Variants in SLC5A1 observed in about 807,000 individuals in gnomAD.
The protein encoded by SLC5A1 is solute carrier family 5 member 1, also known as sodium/glucose cotransporter 1.
Under a neutral mutation model 73.5 loss-of-function variants are expected in SLC5A1, and 42 were observed. The ratio of observed to expected loss-of-function variants is 0.57; its 90% CI spans 0.45 to 0.74. The LOEUF is 0.74. Ranked by LOEUF, SLC5A1 falls within the 30% of genes least tolerant of loss-of-function variation. The probability of loss-of-function intolerance (pLI) is 0.00; values close to 1 mark genes in which losing one functional copy is unlikely to be tolerated. For missense variants in SLC5A1, 634 were observed against 855.4 expected, an observed-to-expected ratio of 0.74 and a Z score of 3.23; for synonymous variants, 300 against 317.4, an observed-to-expected ratio of 0.95 and a Z score of 0.58.
chr22:32,085,531 G>A (rs2094006685), intron 9 of SLC5A1, among the ~76,000 whole-genome samples: 1 of 146,496 alleles, frequency 6.8e-6, no homozygotes, highest in Non-Finnish European at 1.5e-5. Context: ...TTCTTATGTC[G>A]ACAATTGTTT....
chr22:32,099,141 G>C, intron 11 of SLC5A1, 42 bp from the exon 12 acceptor site: 1 of 885,940 alleles, frequency 1.1e-6, no homozygotes, highest in South Asian at 1.3e-5. Context: ...TACTCATGTA[G>C]AGCTATTTAT....
rs143136870 is a variant in SLC5A1, at chr22:32,069,921, C to T, written c.477+1321C>T. The stretch of plus-strand genomic sequence containing the variant: ...GAATCAGGAGTAGAATCCAGGTCTC[C>T]GATTCTCAATTCACTGTCCTTTTCC... On this transcript the variant is annotated intron_variant, in intron 5 of 14. Transcript: ENST00000266088. Among the ~76,000 whole-genome samples the T allele has an allele frequency of 1.2e-4, 19 of 152,272 alleles. No individual in the cohort carries two copies. The East Asian group carries it at 2.5e-3, about 20-fold the overall frequency.
chr22:32,045,184 G>A (rs1010686887), intron 1 of SLC5A1, among the ~76,000 whole-genome samples: 9 of 152,124 alleles, frequency 5.9e-5, no homozygotes, highest in African/African-American at 1.7e-4. Flanking sequence ...GTGTGAGCCC[G>A]TCATCTGCTG....
rs371987980 is a variant in SLC5A1, at chr22:32,089,285, T to TA, written c.1130-2320dup. On this transcript the variant is annotated intron_variant, in intron 10 of 14. Coordinates refer to ENST00000266088, the MANE Select transcript of SLC5A1 (RefSeq NM_000343.4). ...ACCACACAAACTCAGAAAGAGCCAT[T>TA]AAAAAAACCTCGCAACAAATGACAA... Among the ~76,000 whole-genome samples the TA allele has an allele frequency of 7.4e-3, 1,121 of 152,286 alleles. 9 individuals carry two copies. The highest frequency in any genetic ancestry group is 0.011 in the Non-Finnish European group (715 of 68,022).
Position 32,112,564 on chromosome 22 carries a change from G to A in SLC5A1, c.*2351G>A, listed in dbSNP as rs2094059154. 1 of 152,194 alleles carries A rather than the reference G, an allele frequency of 6.6e-6. No homozygotes were observed. The highest frequency in any genetic ancestry group is 1.5e-5 in the Non-Finnish European group (1 of 68,032). 9.4% of individuals were successfully genotyped at this position (152,194 alleles called of 1,614,324 possible). The stretch of plus-strand genomic sequence containing the variant: ...GACTTTGAGAACCAGTGTGGGTGGG[G>A]AGTTGTGCATATAAACTATTTAATG... On this transcript the variant is annotated 3_prime_UTR_variant, in exon 15 of 15. Transcript: ENST00000266088.
At chr22:32,083,268 C>G in intron 7 of SLC5A1, 114 bp downstream of exon 7, 1 of 831,256 alleles carries the variant, frequency 1.2e-6, no homozygotes, top group South Asian at 1.5e-5. Flanking sequence ...TGAGCTGAGG[C>G]ATGCTCTGCC....
chr22:32,077,833 T>C (rs1363073178), intron 5 of SLC5A1, among the ~76,000 whole-genome samples: 1 of 152,226 alleles, frequency 6.6e-6, no homozygotes, highest in Non-Finnish European at 1.5e-5. Context: ...ACTACATATA[T>C]ATATGGGTAC....
intron 14 of SLC5A1, among the ~76,000 whole-genome samples, chr22:32,106,407 A>T (rs1385635556): frequency 6.6e-6 from 1 of 152,170 alleles, no homozygotes; most frequent in African/African-American, 2.4e-5. Flanking sequence ...TTTTGATTGG[A>T]TTCTTACCCC....
Position 32,084,637 on chromosome 22 carries a change from TGTG to T in SLC5A1, c.866_868del (p.Trp289del). ...ATCTTTGGGATGTCCATCCTTACCT[TGTG>T]GTACTGGTGCACAGATCAGGTACCC... On this transcript the variant is annotated inframe_deletion, in exon 8 of 15. Transcript: ENST00000266088. 1.2e-6 allele frequency: 2 copies of T among 1,614,122 alleles called. No individual in the cohort carries two copies. Among genetic ancestry groups the T allele is most frequent in the Non-Finnish European group, 1.7e-6 (2 of 1,179,970 alleles).
chr22:32,102,554 G>C (rs937181657), intron 13 of SLC5A1, among the ~76,000 whole-genome samples: 2 of 152,078 alleles, frequency 1.3e-5, no homozygotes, highest in African/African-American at 4.8e-5. Flanking sequence ...GATCACCTGA[G>C]TCCAGGAGTT....
In SLC5A1 at chr22:32,110,702, G is replaced by T. The variant is rs1378276107; in HGVS notation, c.*489G>T. On this transcript the variant is annotated 3_prime_UTR_variant, in exon 15 of 15. Coordinates refer to ENST00000266088, the MANE Select transcript of SLC5A1 (RefSeq NM_000343.4). The stretch of plus-strand genomic sequence containing the variant: ...TTTGCCTGGACTTTCCCTCTCAAGT[G>T]TGTCAATCAGGTAAACTGAGGAATG... 4 of 232,594 alleles carry T rather than the reference G, an allele frequency of 1.7e-5. No individual in the cohort carries two copies. Among genetic ancestry groups the T allele is most frequent in the Non-Finnish European group, 2.6e-5 (3 of 117,362 alleles). The allele number at this position is 232,594 out of a possible 1,614,324, so 14.4% of individuals were successfully genotyped here.
intron 14 of SLC5A1, among the ~76,000 whole-genome samples, chr22:32,107,577 C>T (rs2094048563): frequency 6.6e-6 from 1 of 152,202 alleles, no homozygotes; most frequent in Non-Finnish European, 1.5e-5. Context: ...TCTATATTTA[C>T]CACCATCATG....
At chr22:32,086,096 G>A (rs1324268996) in intron 9 of SLC5A1, 124 bp from the exon 10 acceptor site, 11 of 694,132 alleles carry the variant, frequency 1.6e-5, no homozygotes, top group South Asian at 4.1e-5. Context: ...AGCCGAGATC[G>A]TGCCACTGCA....
At chr22:32,071,065 G>T (rs1224719291) in intron 5 of SLC5A1, among the ~76,000 whole-genome samples, 1 of 152,206 alleles carries the variant, frequency 6.6e-6, no homozygotes, top group Non-Finnish European at 1.5e-5. Context: ...GTAAGATGGG[G>T]ATAGTAATTC....
chr22:32,074,760 T>A (rs1218991423), intron 5 of SLC5A1, among the ~76,000 whole-genome samples: 1 of 152,176 alleles, frequency 6.6e-6, no homozygotes, highest in East Asian at 1.9e-4. Context: ...AGACCAGGGA[T>A]CCCTTGACAA....
intron 11 of SLC5A1, among the ~76,000 whole-genome samples, chr22:32,092,338 T>C (rs948470393): frequency 6.6e-6 from 1 of 152,240 alleles, no homozygotes; most frequent in African/African-American, 2.4e-5. Context: ...AATTTCTTTA[T>C]CCACTTGTTG....
intron 2 of SLC5A1, among the ~76,000 whole-genome samples, chr22:32,057,277 T>C (rs562285172): frequency 2.0e-3 from 311 of 152,338 alleles, no homozygotes; most frequent in South Asian, 3.9e-3. Flanking sequence ...TTCTTTTCAT[T>C]GTTTTTTGAG....
chr22:32,102,275 T>C (rs1433856833), intron 13 of SLC5A1, 38 bp downstream of exon 13: 2 of 1,450,014 alleles, frequency 1.4e-6, no homozygotes, highest in South Asian at 2.3e-5. Flanking sequence ...TTGTTTCATG[T>C]TCACACTGCA....
At chr22:32,046,328 A>G (rs1478970069) in intron 1 of SLC5A1, among the ~76,000 whole-genome samples, 1 of 149,694 alleles carries the variant, frequency 6.7e-6, no homozygotes, top group African/African-American at 2.5e-5. Flanking sequence ...CTATCATTGC[A>G]TTGTTGTGAC....
Sources: gnomAD v4.1 joint callset for allele counts (sites outside exome capture counted in the v4.1 genomes callset) on GRCh38, gnomAD v4.1.1 for gene constraint, MANE v1.5 for transcripts, NCBI Gene and HGNC (gene_info 2026-07-23, HGNC 2026-07-21) for gene names.